The following TRAK1 variants were observed in gnomAD, a reference collection of about 807,000 sequenced individuals.
The protein encoded by TRAK1 is trafficking kinesin-binding protein 1.
TRAK1 carries 33 observed loss-of-function variants against 92.1 expected under a neutral mutation model. The observed-to-expected ratio is 0.36, with a 90% confidence interval of 0.27 to 0.48. The LOEUF (loss-of-function observed/expected upper bound fraction) is 0.48, where lower values mean the gene tolerates loss of function less well. Among genes scored for constraint, TRAK1 ranks in the 20% least tolerant of loss-of-function variants. TRAK1 has a pLI of 0.99. For missense variants in TRAK1, 1,123 were observed against 1,257.9 expected, an observed-to-expected ratio of 0.89 and a Z score of 1.62; for synonymous variants, 521 against 517.3, an observed-to-expected ratio of 1.01 and a Z score of -0.10.
chr3:42,217,910 G>A (rs1709896173), intron 14 of TRAK1: 3 of 984,852 alleles, frequency 3.0e-6, no homozygotes, highest in Middle Eastern at 5.2e-4. Context: ...GAGCCATTAT[G>A]TTCACTGATT....
intron 1 of TRAK1, among the ~76,000 whole-genome samples, chr3:42,099,204 G>A (rs113528344): frequency 0.011 from 1,734 of 152,256 alleles, 18 homozygotes; most frequent in Non-Finnish European, 0.018. Context: ...GCCTGGATGA[G>A]TGGCTGCACT....
intron 14 of TRAK1, chr3:42,218,966 T>G (rs1171914014): frequency 4.1e-6 from 4 of 985,250 alleles, no homozygotes; most frequent in Non-Finnish European, 4.8e-6. Flanking sequence ...TAGACAGTAG[T>G]GGAGCCAGCA....
chr3:42,220,997 A>C (rs1710288128), intron 15 of TRAK1, among the ~76,000 whole-genome samples: 3 of 151,616 alleles, frequency 2.0e-5, no homozygotes, highest in African/African-American at 7.3e-5. Context: ...CATAGGACTC[A>C]AACCAAACAC....
intron 1 of TRAK1, among the ~76,000 whole-genome samples, chr3:42,062,011 C>T (rs1168462689): frequency 6.6e-6 from 1 of 152,214 alleles, no homozygotes; most frequent in African/African-American, 2.4e-5. Context: ...GGGACAGCTG[C>T]TTCTGGCTAA....
intron 1 of TRAK1, among the ~76,000 whole-genome samples, chr3:42,104,576 G>C (rs1376958166): frequency 6.6e-6 from 1 of 152,190 alleles, no homozygotes; most frequent in Non-Finnish European, 1.5e-5. Flanking sequence ...TGATACCCGG[G>C]CAAACAGGGT....
In TRAK1 at chr3:42,223,749, G is replaced by A; in HGVS notation, c.*12G>A. ...CTAGCTTACGGTGAGGACTGGAGGGGGGCCGGTTGCCCTAGAGGAGACCCA... is the reference window on the plus strand; with the variant it reads ...CTAGCTTACGGTGAGGACTGGAGGGAGGCCGGTTGCCCTAGAGGAGACCCA... On this transcript the variant is annotated 3_prime_UTR_variant, in exon 16 of 16. Coordinates refer to ENST00000327628, the MANE Select transcript of TRAK1 (RefSeq NM_001042646.3). The surrounding 1 kb of genome is among the most constrained non-coding windows in gnomAD (Gnocchi z 6.1). 6.3e-7 allele frequency: 1 copy of A among 1,591,272 alleles called. No homozygotes were observed. The highest frequency in any genetic ancestry group is 1.3e-5 in the African/African-American group (1 of 74,564).
At chr3:42,082,566 G>T (rs1704488381), upstream of TRAK1, among the ~76,000 whole-genome samples, 1 of 151,982 alleles carries the variant, frequency 6.6e-6, no homozygotes, top group Non-Finnish European at 1.5e-5. Flanking sequence ...CTGCACTCCA[G>T]CCTGGGAGAC....
At chr3:42,145,995 A>G in intron 2 of TRAK1, 1 of 350,686 alleles carries the variant, frequency 2.9e-6, no homozygotes, top group South Asian at 2.5e-5. Flanking sequence ...GCAACAGTAC[A>G]ATGAAATGTT....
At chr3:42,201,290 G>A (rs202236082) in intron 12 of TRAK1, among the ~76,000 whole-genome samples, 4 of 152,208 alleles carry the variant, frequency 2.6e-5, no homozygotes, top group South Asian at 4.1e-4. Context: ...AAAATCCCAT[G>A]TCTACTAAAC....
intron 3 of TRAK1, among the ~76,000 whole-genome samples, chr3:42,178,888 T>C (rs1703594052): frequency 6.6e-6 from 1 of 151,940 alleles, no homozygotes; most frequent in Non-Finnish European, 1.5e-5. Flanking sequence ...GGTAGGAGGA[T>C]CGCTTGAGCT....
chr3:42,107,802 G>T (rs1163388025), intron 1 of TRAK1, among the ~76,000 whole-genome samples: 1 of 151,826 alleles, frequency 6.6e-6, no homozygotes, highest in Non-Finnish European at 1.5e-5. Flanking sequence ...TCACATTATA[G>T]AATTTATTTT....
intron 1 of TRAK1, among the ~76,000 whole-genome samples, chr3:42,079,894 G>A (rs1704352854): frequency 1.3e-5 from 2 of 152,152 alleles, no homozygotes; most frequent in Admixed American, 1.3e-4. Context: ...ACCTGTGTGT[G>A]GGTGAGAATA....
chr3:42,032,098 G>C (rs1312129768), intron 1 of TRAK1, among the ~76,000 whole-genome samples: 1 of 152,150 alleles, frequency 6.6e-6, no homozygotes, highest in African/African-American at 2.4e-5. Flanking sequence ...GGAGTGCTTA[G>C]CGGGTTTCCT....
chr3:42,088,372 C>G (rs73828534), upstream of TRAK1, among the ~76,000 whole-genome samples: 3,135 of 152,154 alleles, frequency 0.021, 121 homozygotes, highest in African/African-American at 0.072. Context: ...GTTAAGTGGC[C>G]CACATGTGTT....
intron 1 of TRAK1, among the ~76,000 whole-genome samples, chr3:42,102,516 A>T (rs1409196297): frequency 6.6e-6 from 1 of 152,188 alleles, no homozygotes; most frequent in Non-Finnish European, 1.5e-5. Flanking sequence ...AGCAAGGTCA[A>T]GGTTCTTGTC....
intron 1 of TRAK1, among the ~76,000 whole-genome samples, chr3:42,077,531 C>T (rs1161068573): frequency 6.6e-6 from 1 of 152,196 alleles, no homozygotes; most frequent in Non-Finnish European, 1.5e-5. Context: ...TCAAGTGACC[C>T]ACCCACTTTG....
At chr3:42,160,062 C>T in intron 2 of TRAK1, 1 of 748,796 alleles carries the variant, frequency 1.3e-6, no homozygotes, top group South Asian at 4.3e-5. Context: ...CAGGGCTTTC[C>T]TCTGAATCTC....
At chr3:42,219,102 C>T in intron 14 of TRAK1, 1 of 985,328 alleles carries the variant, frequency 1.0e-6, no homozygotes, top group South Asian at 4.7e-5. Flanking sequence ...TAGCTGTTGC[C>T]AATGCAAAGA....
chr3:42,061,911 T>C (rs1304984389), intron 1 of TRAK1, among the ~76,000 whole-genome samples: 1 of 152,230 alleles, frequency 6.6e-6, no homozygotes, highest in Non-Finnish European at 1.5e-5. Flanking sequence ...CCATTGGCAC[T>C]CACTCTGGGG....
Sources: gnomAD v4.1 joint callset for allele counts (sites outside exome capture counted in the v4.1 genomes callset) on GRCh38, gnomAD v4.1.1 for gene constraint, Gnocchi (gnomAD v3.1) non-coding constraint, MANE v1.5 for transcripts, NCBI Gene and HGNC (gene_info 2026-07-23, HGNC 2026-07-21) for gene names.